Variants in CALCOCO2 observed in about 807,000 individuals in gnomAD.
CALCOCO2 encodes the protein calcium binding and coiled-coil domain 2.
In CALCOCO2, 42 loss-of-function variants were observed where a neutral mutation model predicts 62.5. That is an observed-to-expected ratio of 0.67 (90% confidence interval 0.53 to 0.87). The LOEUF is 0.87. CALCOCO2 is among the 40% of genes least tolerant of loss of function. The pLI is 0.00. For missense variants in CALCOCO2, 456 were observed against 515.0 expected, an observed-to-expected ratio of 0.89 and a Z score of 1.11; for synonymous variants, 167 against 173.0, an observed-to-expected ratio of 0.97 and a Z score of 0.27.
intron 1 of CALCOCO2, among the ~76,000 whole-genome samples, chr17:48,835,923 G>A (rs2039884990): frequency 6.6e-6 from 1 of 151,884 alleles, no homozygotes; most frequent in Non-Finnish European, 1.5e-5. Flanking sequence ...CTAATTTTTT[G>A]TATTTTTAGT....
chr17:48,857,849 C>T (rs1020983702), intron 10 of CALCOCO2, among the ~76,000 whole-genome samples: 15 of 149,172 alleles, frequency 1.0e-4, no homozygotes, highest in Non-Finnish European at 1.8e-4. Flanking sequence ...TGGTGGCAGG[C>T]GCCTATAGTC....
chr17:48,854,378 T>TTTTATATATATATATATATA lies in CALCOCO2; in HGVS notation c.912+1367_912+1368insTTATATATATATATATATAT, dbSNP rs1489635512. On this transcript the variant is annotated intron_variant, in intron 9 of 12. Coordinates refer to ENST00000258947, the MANE Select transcript of CALCOCO2 (RefSeq NM_005831.5). Reference sequence around the variant, plus strand: ...AGGTATGGATTTCCTTGGTTTTCTTTTATTTATATATATATATATTTTTTT... The same window carrying TTTTATATATATATATATATA: ...AGGTATGGATTTCCTTGGTTTTCTTTTTTATATATATATATATATATATTTATATATATATATATTTTTTT... 5.4e-3 allele frequency among the ~76,000 whole-genome samples: 66 copies of TTTTATATATATATATATATA among 12,148 alleles called. 8 individuals are homozygous for TTTTATATATATATATATATA. The highest frequency in any genetic ancestry group is 0.027 in the East Asian group (3 of 112). The allele number at this position is 12,148 out of a possible 152,430, so 8.0% of individuals were successfully genotyped here.
chr17:48,847,571 A>G (rs1202830503), intron 2 of CALCOCO2, among the ~76,000 whole-genome samples: 1 of 152,200 alleles, frequency 6.6e-6, no homozygotes, highest in Non-Finnish European at 1.5e-5. Flanking sequence ...TGTATTTGTC[A>G]TAAGTGAAAA....
chr17:48,852,507 C>T lies in CALCOCO2; in HGVS notation c.704C>T (p.Ala235Val). ...KMGIRVDQLQAQLSTQEKEME... is the reference protein window; with the variant it reads ...KMGIRVDQLQVQLSTQEKEME... ...TTATGTTCACTATTTTTGTTTTAGG[C>T]CCAGCTGTCAACTCAAGAGAAAGAA... is the stretch of plus-strand genomic sequence containing the variant. The change falls in exon 8 of 13, where the codon GCC becomes GTC. Residue 235 changes from alanine to valine, a missense_variant and splice_region_variant. Transcript: ENST00000258947. 1 of 1,612,202 alleles carries T rather than the reference C, an allele frequency of 6.2e-7. No individual in the cohort carries two copies. The highest frequency in any genetic ancestry group is 8.5e-7 in the Non-Finnish European group (1 of 1,178,996).
At chr17:48,856,786 TTTTTTTC>T (rs1267297512) in intron 10 of CALCOCO2, among the ~76,000 whole-genome samples, 35 of 151,978 alleles carry the variant, frequency 2.3e-4, no homozygotes, top group African/African-American at 8.0e-4. Context: ...TTCTTTTTTT[TTTTTTTC>T]TTTTTTTGTT....
At chr17:48,856,782 T>C (rs1045081304) in intron 10 of CALCOCO2, among the ~76,000 whole-genome samples, 10 of 151,806 alleles carry the variant, frequency 6.6e-5, no homozygotes, top group Non-Finnish European at 1.3e-4. Flanking sequence ...TCTTTTCTTT[T>C]TTTTTTTTTT....
chr17:48,845,115 A>G (rs2040029430), intron 2 of CALCOCO2, among the ~76,000 whole-genome samples: 2 of 151,810 alleles, frequency 1.3e-5, no homozygotes, highest in South Asian at 4.2e-4. Context: ...CAGCCTGGGC[A>G]ACAGAGCAAG....
At chr17:48,833,856 C>A (rs926835212) in intron 1 of CALCOCO2, among the ~76,000 whole-genome samples, 4 of 152,004 alleles carry the variant, frequency 2.6e-5, no homozygotes, top group African/African-American at 4.8e-5. Flanking sequence ...AGGCTGGGCA[C>A]GGTAGCTCAT....
intron 1 of CALCOCO2, among the ~76,000 whole-genome samples, chr17:48,833,686 T>C (rs1029108626): frequency 6.6e-6 from 1 of 152,220 alleles, no homozygotes; most frequent in African/African-American, 2.4e-5. Flanking sequence ...GTAGAAGCAT[T>C]TGATTTCCTT....
At chr17:48,848,717 T>G (rs557957314) in intron 4 of CALCOCO2, 138 of 567,446 alleles carry the variant, frequency 2.4e-4, no homozygotes, top group African/African-American at 2.3e-3. Flanking sequence ...TTGCTTAATT[T>G]TTGTCATCTA....
At chr17:48,841,658 A>G in intron 1 of CALCOCO2, 40 bp from the exon 2 acceptor site, 2 of 1,376,820 alleles carry the variant, frequency 1.5e-6, no homozygotes, top group Middle Eastern at 2.4e-4. Flanking sequence ...ATTTCAGACA[A>G]TGCTTTCTGA....
intron 11 of CALCOCO2, 79 bp downstream of exon 11, chr17:48,860,528 C>A: frequency 7.9e-7 from 1 of 1,273,814 alleles, no homozygotes. Flanking sequence ...TTCTGAGGTG[C>A]TAATTAAGAC....
rs756395302 is a variant in CALCOCO2, at chr17:48,860,243, TCTC to T, written c.1009-68_1009-66del. On this transcript the variant is annotated intron_variant, in intron 10 of 12. Transcript: ENST00000258947. ...AATTGAGAACTACCTGGGAGGGGCA[TCTC>T]CTAGCCAGTTCCTGGTGGCCATTCT... The T allele has an allele frequency of 1.9e-3, 2,342 of 1,257,536 alleles. 5 individuals are homozygous for T. The highest frequency in any genetic ancestry group is 3.2e-3 in the Middle Eastern group (16 of 5,036). The allele number at this position is 1,257,536 out of a possible 1,614,324, so 77.9% of individuals were successfully genotyped here.
At position 48,848,388 on chromosome 17, in the gene CALCOCO2, G is replaced by A. The variant is rs149242160; in HGVS notation, c.350G>A (p.Arg117Gln). The A allele has an allele frequency of 1.1e-5, 18 of 1,613,112 alleles. No individual in the cohort carries two copies. Among genetic ancestry groups the A allele is most frequent in the African/African-American group, 2.7e-5 (2 of 74,884 alleles). ...TATGTGGATGAGGATGGTGTGGTCC[G>A]GGGAGCAAGTATTCCTTTCCAATTC... is the stretch of plus-strand genomic sequence containing the variant. ...FCYVDEDGVVRGASIPFQFRP... is the reference protein window; with the variant it reads ...FCYVDEDGVVQGASIPFQFRP... Residue 117 changes from arginine (R) to glutamine (Q), a missense_variant, in exon 4 of 13, where the codon CGG becomes CAG. Transcript: ENST00000258947.
chr17:48,845,320 G>GGTGTGGGT (rs1555572492), intron 2 of CALCOCO2, among the ~76,000 whole-genome samples: 6 of 137,164 alleles, frequency 4.4e-5, no homozygotes, highest in Non-Finnish European at 7.9e-5. Context: ...CTATGTTGAG[G>GGTGTGGGT]GTGTGTGTGT....
chr17:48,848,347 G>A lies in CALCOCO2; in HGVS notation c.309G>A (p.Glu103=). The A allele has an allele frequency of 6.2e-7, 1 of 1,613,444 alleles. No individual in the cohort carries two copies. Among genetic ancestry groups the A allele is most frequent in the Non-Finnish European group, 8.5e-7 (1 of 1,179,362 alleles). The change falls in exon 4 of 13, where the codon GAG becomes GAA. Residue 103 remains glutamate (E), a synonymous_variant. Transcript: ENST00000258947. The stretch of plus-strand genomic sequence containing the variant: ...CTTACTACCTGCCCAAGGATGATGA[G>A]TATTACCAGTTCTGCTATGTGGATG... ...FKAYYLPKDD[E]YYQFCYVDED...
chr17:48,859,202 T>A (rs1362584309), intron 10 of CALCOCO2, among the ~76,000 whole-genome samples: 1 of 152,128 alleles, frequency 6.6e-6, no homozygotes, highest in Non-Finnish European at 1.5e-5. Flanking sequence ...CCTCCCACCC[T>A]GTCTTCTTAC....
At position 48,852,550 on chromosome 17, in the gene CALCOCO2, G is replaced by A. The variant is rs1170578078; in HGVS notation, c.747G>A (p.Gln249=). 1.3e-5 allele frequency: 21 copies of A among 1,612,794 alleles called. No homozygotes were observed. The highest frequency in any genetic ancestry group is 1.8e-5 in the Non-Finnish European group (21 of 1,178,830). The change falls in exon 8 of 13, where the codon CAG becomes CAA. Residue 249 remains glutamine (Q), a synonymous_variant. Transcript: ENST00000258947. ...AGAAAGAAATGGAGAAGCTTGTTCA[G>A]GGAGATCAAGATAAGACAGAGCAGT... ...TQEKEMEKLV[Q]GDQDKTEQLE...
In CALCOCO2 at chr17:48,860,423, G is replaced by A; in HGVS notation, c.1118G>A (p.Gly373Glu). The change falls in exon 11 of 13, where the codon GGA (glycine) becomes GAA (glutamate). Residue 373 changes from glycine (G) to glutamate (E), a missense_variant. By Grantham distance (98) the Gly-to-Glu change is moderately conservative. Transcript: ENST00000258947. ...GAAGGAGGCGCAAGACAAAATCCAGGACTTGCCTATGGAAACCCATATTCT... is the reference window on the plus strand; with the variant it reads ...GAAGGAGGCGCAAGACAAAATCCAGAACTTGCCTATGGAAACCCATATTCT... The part of the protein sequence containing the change: ...SDEGGARQNP[G>E]LAYGNPYSGI... The A allele has an allele frequency of 6.2e-7, 1 of 1,614,106 alleles. No individual in the cohort carries two copies. The highest frequency in any genetic ancestry group is 1.3e-5 in the African/African-American group (1 of 75,044).
Sources: allele counts gnomAD v4.1 joint callset (sites outside exome capture counted in the v4.1 genomes callset), GRCh38; gene constraint gnomAD v4.1.1; transcripts MANE v1.5; gene names NCBI Gene and HGNC (gene_info 2026-07-23, HGNC 2026-07-21).